OPHN1: variants seen among roughly 807,000 people sequenced by gnomAD.
OPHN1 encodes the protein oligophrenin-1.
OPHN1 carries 11 observed loss-of-function variants against 60.7 expected under a neutral mutation model. That is an observed-to-expected ratio of 0.18 (90% CI 0.11 to 0.30). The LOEUF is 0.30. OPHN1 is among the 10% of genes least tolerant of loss of function. The pLI, the probability that OPHN1 is intolerant of heterozygous loss-of-function variation, is 1.00. For synonymous variants in OPHN1, 226 were observed against 222.6 expected (o/e 1.02, Z -0.14); for missense variants, 449 against 611.0 (o/e 0.73, Z 2.80).
At chrX:68,387,837 C>A (rs750266901) in intron 2 of OPHN1, among the ~76,000 whole-genome samples, 1 of 111,099 alleles carries the variant, frequency 9.0e-6, no homozygotes, top group East Asian at 2.8e-4. Context: ...AAAAGTATAA[C>A]TCAAAGGCAC....
chrX:68,286,645 C>T (rs1413397685), intron 3 of OPHN1, among the ~76,000 whole-genome samples: 1 of 111,870 alleles, frequency 8.9e-6, no homozygotes, highest in African/African-American at 3.2e-5. Flanking sequence ...TATTGTTCAG[C>T]TTCTTATTTG....
At chrX:68,167,662 C>A (rs1421732013) in intron 15 of OPHN1, among the ~76,000 whole-genome samples, 1 of 107,260 alleles carries the variant, frequency 9.3e-6, no homozygotes, top group African/African-American at 3.4e-5. Context: ...TGCATGTATA[C>A]ATATATATGC....
chrX:68,057,043 C>A (rs1178737384), intron 21 of OPHN1, among the ~76,000 whole-genome samples: 3 of 111,614 alleles, frequency 2.7e-5, no homozygotes, highest in Non-Finnish European at 5.6e-5. Context: ...CACAATCTTG[C>A]AAGACAGAAA....
chrX:68,316,028 G>A (rs188960950), intron 2 of OPHN1, among the ~76,000 whole-genome samples: 2 of 110,446 alleles, frequency 1.8e-5, no homozygotes, highest in Admixed American at 9.7e-5. Context: ...AACAGGAGTG[G>A]TTATATTAAT....
intron 12 of OPHN1, among the ~76,000 whole-genome samples, chrX:68,196,701 G>A (rs1337955864): frequency 8.9e-6 from 1 of 111,953 alleles, no homozygotes; most frequent in African/African-American, 3.3e-5. Flanking sequence ...TGCCATCTCC[G>A]CTACCAGCTG....
At chrX:68,346,266 G>A (rs1227690459) in intron 2 of OPHN1, among the ~76,000 whole-genome samples, 2 of 111,838 alleles carry the variant, frequency 1.8e-5, no homozygotes, top group Non-Finnish European at 3.8e-5. Flanking sequence ...AGCAAGAGTG[G>A]AGTCCTCTGA....
intron 5 of OPHN1, among the ~76,000 whole-genome samples, chrX:68,252,807 G>A (rs758036494): frequency 1.5e-4 from 17 of 111,096 alleles, no homozygotes; most frequent in South Asian, 3.9e-4. Context: ...AATTGTCAAC[G>A]GAAGTGAGAA....
chrX:68,304,331 T>G, intron 2 of OPHN1, among the ~76,000 whole-genome samples: 1 of 111,561 alleles, frequency 9.0e-6, no homozygotes, highest in East Asian at 2.8e-4. Context: ...ACCTGGTTAT[T>G]TATTTATTTA....
In OPHN1 at chrX:68,043,451, A is replaced by G. The variant is rs7888212; in HGVS notation, c.*3721T>C. On this transcript the variant is annotated 3_prime_UTR_variant, in exon 25 of 25. Transcript: ENST00000355520. ...TTTATTATTTCTGATGTTTTTTTCC[A>G]GGCTTGTAATGTGTCAAGGCCACTT... 52,395 of 108,956 alleles carry G rather than the reference A, an allele frequency of 0.48. 12,050 individuals carry two copies. The highest frequency in any genetic ancestry group is 0.89 in the African/African-American group (26,352 of 29,664). The allele number at this position is 108,956 out of a possible 1,213,427, so 9.0% of individuals were successfully genotyped here. A position where few individuals can be genotyped will look rare whatever the true frequency, so the allele number is the denominator to read the frequency against.
chrX:68,119,380 T>G, intron 15 of OPHN1, 48 bp from the exon 16 acceptor site: 1 of 942,170 alleles, frequency 1.1e-6, no homozygotes, highest in Non-Finnish European at 1.5e-6. Context: ...ATCAAAAAAA[T>G]CTTACATTTT....
intron 15 of OPHN1, among the ~76,000 whole-genome samples, chrX:68,152,482 C>A (rs1427388153): frequency 9.3e-6 from 1 of 107,629 alleles, no homozygotes; most frequent in Non-Finnish European, 1.9e-5. Context: ...AGAGTGTAGC[C>A]CCGAGACTGG....
rs1390665096 is a variant in OPHN1 at position 68,218,657 on chromosome X, G to T, written c.487-4685C>A. 2.3e-4 allele frequency among the ~76,000 whole-genome samples: 25 copies of T among 107,010 alleles called. No homozygotes were observed. The East Asian group carries it at 6.6e-3, about 28-fold the overall frequency. The allele number at this position is 107,010 out of a possible 115,157, so 92.9% of individuals were successfully genotyped here. A position where few individuals can be genotyped will look rare whatever the true frequency, so the allele number is the denominator to read the frequency against. On this transcript the variant is annotated intron_variant, in intron 6 of 24. Transcript: ENST00000355520. ...CTTAAAGAAAAGAATTCTCAACCCA[G>T]AATTTCATATCCAGCCAAACTAAGC...
intron 5 of OPHN1, among the ~76,000 whole-genome samples, chrX:68,268,101 T>C (rs927314642): frequency 2.7e-5 from 3 of 110,700 alleles, no homozygotes; most frequent in Admixed American, 1.9e-4. Flanking sequence ...TTCTACAGAA[T>C]ACAGAGGTAC....
intron 9 of OPHN1, among the ~76,000 whole-genome samples, chrX:68,207,132 ATT>A (rs35644656): frequency 2.0e-4 from 19 of 96,272 alleles, no homozygotes; most frequent in South Asian, 1.4e-3. Context: ...TTTTGTTTTA[ATT>A]TTTTTTTTTT....
In OPHN1 at chrX:68,412,407, C is replaced by T. The variant is rs772659038; in HGVS notation, c.154+20460G>A. Among the ~76,000 whole-genome samples, 7 of 111,973 alleles carry T rather than the reference C, an allele frequency of 6.3e-5. No individual in the cohort carries two copies. In the South Asian group the frequency reaches 2.3e-3, roughly 36 times the overall value. On this transcript the variant is annotated intron_variant, in intron 2 of 24. Coordinates refer to ENST00000355520, the MANE Select transcript of OPHN1 (RefSeq NM_002547.3). ...GCCAAAAACTGTATACTTTCCTTTA[C>T]ATGAGGTACTTCCATTTATAGAGTA...
At chrX:68,254,660 T>C (rs1488791127) in intron 5 of OPHN1, among the ~76,000 whole-genome samples, 2 of 111,106 alleles carry the variant, frequency 1.8e-5, no homozygotes, top group Non-Finnish European at 3.8e-5. Context: ...TTAGGGAAAG[T>C]CAGGTGGCAA....
chrX:68,105,156 A>G (rs1182135105), intron 18 of OPHN1, among the ~76,000 whole-genome samples: 1 of 110,985 alleles, frequency 9.0e-6, no homozygotes, highest in African/African-American at 3.3e-5. Context: ...GTCAGGAAAC[A>G]ACAGATGCTG....
chrX:68,212,785 A>G (rs1387252291), intron 7 of OPHN1, among the ~76,000 whole-genome samples: 2 of 112,302 alleles, frequency 1.8e-5, no homozygotes, highest in African/African-American at 6.5e-5. Context: ...ATCTCATATA[A>G]AGACATTCAT....
intron 2 of OPHN1, among the ~76,000 whole-genome samples, chrX:68,396,284 G>A (rs917763057): frequency 3.9e-5 from 4 of 103,316 alleles, no homozygotes; most frequent in African/African-American, 1.4e-4. Flanking sequence ...AAAAAAAATA[G>A]CCTGGCACGG....
Sources: allele counts gnomAD v4.1 joint callset (sites outside exome capture counted in the v4.1 genomes callset), GRCh38; gene constraint gnomAD v4.1.1; transcripts MANE v1.5; gene names NCBI Gene and HGNC (gene_info 2026-07-23, HGNC 2026-07-21).